The following ZNF385B variants were observed in gnomAD, a reference collection of about 807,000 sequenced individuals.
ZNF385B encodes zinc finger protein 533.
A neutral mutation model predicts 39.2 loss-of-function variants in ZNF385B; 23 were observed. The observed-to-expected ratio is 0.59, with a 90% CI of 0.42 to 0.83. The LOEUF (loss-of-function observed/expected upper bound fraction) is 0.83. Ranked by LOEUF, ZNF385B falls within the 40% of genes least tolerant of loss-of-function variation. ZNF385B has a pLI of 0.00. For synonymous variants in ZNF385B, 205 were observed against 222.6 expected (o/e 0.92, Z 0.70); for missense variants, 552 against 598.9 (o/e 0.92, Z 0.82).
rs1559338211 is a variant in ZNF385B, at chr2:179,493,775, G to GTATACATATGTA, written c.553-10342_553-10341insTACATATGTATA. Among the ~76,000 whole-genome samples the GTATACATATGTA allele has an allele frequency of 6.4e-4, 50 of 77,784 alleles. 1 individual carries two copies. Among genetic ancestry groups the GTATACATATGTA allele is most frequent in the South Asian group, 1.2e-3 (3 of 2,448 alleles). The allele number at this position is 77,784 out of a possible 152,430, so 51.0% of individuals were successfully genotyped here. On this transcript the variant is annotated intron_variant, in intron 5 of 9. Transcript: ENST00000410066. Reference sequence around the variant, plus strand: ...TATATACATATATGTATACATATATGTATATACACATATGTATACATATAT... The same window carrying GTATACATATGTA: ...TATATACATATATGTATACATATATGTATACATATGTATATATACACATATGTATACATATAT...
At chr2:179,808,171 T>C (rs924101654) in intron 1 of ZNF385B, among the ~76,000 whole-genome samples, 2 of 151,854 alleles carry the variant, frequency 1.3e-5, no homozygotes, top group Non-Finnish European at 2.9e-5. Context: ...CAGCTGGGAC[T>C]ACAGGCGCAC....
chr2:179,450,633 C>T (rs1298160025), intron 6 of ZNF385B, among the ~76,000 whole-genome samples: 1 of 151,876 alleles, frequency 6.6e-6, no homozygotes, highest in Non-Finnish European at 1.5e-5. Flanking sequence ...GAAATAGGAA[C>T]ACTTTTACAC....
At chr2:179,810,579 T>C (rs115738557) in intron 1 of ZNF385B, among the ~76,000 whole-genome samples, 1,919 of 152,136 alleles carry the variant, frequency 0.013, 38 homozygotes, top group African/African-American at 0.043. Flanking sequence ...TAAATAAATA[T>C]GGATCCACAT....
At chr2:179,806,537 G>A (rs572950279) in intron 1 of ZNF385B, among the ~76,000 whole-genome samples, 3 of 152,182 alleles carry the variant, frequency 2.0e-5, no homozygotes, top group South Asian at 2.1e-4. Context: ...TTTCAATAAC[G>A]TAACCTGATA....
chr2:179,547,993 T>C (rs1322920601), intron 3 of ZNF385B, among the ~76,000 whole-genome samples: 4 of 149,690 alleles, frequency 2.7e-5, no homozygotes, highest in Non-Finnish European at 4.4e-5. Flanking sequence ...CTATTATAAA[T>C]AGGATTACCT....
chr2:179,639,250 G>GGC (rs1227011635), intron 3 of ZNF385B, among the ~76,000 whole-genome samples: 1 of 90,318 alleles, frequency 1.1e-5, no homozygotes, highest in Admixed American at 1.3e-4. Flanking sequence ...AAAAAAAAAA[G>GGC]GGGGAGAAAG....
intron 3 of ZNF385B, among the ~76,000 whole-genome samples, chr2:179,552,490 T>G (rs1559463310): frequency 6.7e-6 from 1 of 149,434 alleles, no homozygotes; most frequent in African/African-American, 2.5e-5. Context: ...CAACATCAAT[T>G]ATAGAACTCC....
At chr2:179,471,281 T>C (rs1175640293) in intron 6 of ZNF385B, among the ~76,000 whole-genome samples, 1 of 152,118 alleles carries the variant, frequency 6.6e-6, no homozygotes, top group Non-Finnish European at 1.5e-5. Context: ...CCATGATACA[T>C]ACCTCATCAA....
rs1346222753 is a variant in ZNF385B, at chr2:179,836,511, TTC to T, written c.-155+24588_-155+24589del. Among the ~76,000 whole-genome samples the T allele has an allele frequency of 3.1e-5, 4 of 127,158 alleles. No individual in the cohort carries two copies. In the Admixed American group the frequency reaches 3.4e-4, roughly 11 times the overall value. 83.4% of individuals were successfully genotyped at this position (127,158 alleles called of 152,430 possible). A position where few individuals can be genotyped will look rare whatever the true frequency, so the allele number is the denominator to read the frequency against. Reference sequence around the variant, plus strand: ...ATATCTGAATCAAGGTTCTTGCGTTTTCTTTTTTTTTTTTTTTTGAGACGGAG... The same window carrying T: ...ATATCTGAATCAAGGTTCTTGCGTTTTTTTTTTTTTTTTTTTGAGACGGAG... On this transcript the variant is annotated intron_variant, in intron 1 of 9. Transcript: ENST00000410066.
At chr2:179,536,874 A>G (rs751795879) in intron 4 of ZNF385B, among the ~76,000 whole-genome samples, 19 of 152,356 alleles carry the variant, frequency 1.2e-4, no homozygotes, top group Middle Eastern at 6.8e-3. Flanking sequence ...CCATATAAAT[A>G]ACATCTGCAT....
At chr2:179,831,330 C>T (rs1240014911) in intron 1 of ZNF385B, among the ~76,000 whole-genome samples, 1 of 152,094 alleles carries the variant, frequency 6.6e-6, no homozygotes, top group Admixed American at 6.5e-5. Flanking sequence ...CAGGAGCTTT[C>T]TCCAATTCAC....
intron 6 of ZNF385B, among the ~76,000 whole-genome samples, chr2:179,451,198 T>A (rs113587709): frequency 2.3e-4 from 35 of 149,310 alleles, no homozygotes; most frequent in Non-Finnish European, 3.4e-4. Context: ...CATGTATACA[T>A]ATGTAACTAA....
At chr2:179,510,876 T>C (rs2057630256) in intron 5 of ZNF385B, among the ~76,000 whole-genome samples, 1 of 152,098 alleles carries the variant, frequency 6.6e-6, no homozygotes, top group Non-Finnish European at 1.5e-5. Flanking sequence ...AACATGCAGA[T>C]AGAATTTCTA....
At chr2:179,645,516 C>T (rs1692640414) in intron 3 of ZNF385B, among the ~76,000 whole-genome samples, 1 of 152,194 alleles carries the variant, frequency 6.6e-6, no homozygotes, top group South Asian at 2.1e-4. Context: ...TGCACTATTA[C>T]ATAATGTAAT....
chr2:179,803,368 T>G (rs528571548), intron 1 of ZNF385B, among the ~76,000 whole-genome samples: 1 of 152,108 alleles, frequency 6.6e-6, no homozygotes, highest in African/African-American at 2.4e-5. Flanking sequence ...GTGCCACCCA[T>G]GGGAAGCAAT....
intron 3 of ZNF385B, among the ~76,000 whole-genome samples, chr2:179,760,223 C>CACGTGTGTGTGT (rs1553525686): frequency 1.4e-5 from 2 of 144,476 alleles, no homozygotes; most frequent in Admixed American, 6.9e-5. Context: ...TTCCTGTGTG[C>CACGTGTGTGTGT]GTGTGTGTGT....
chr2:179,443,352 AGAGGGCCGGGGTGGGAGT>A lies in ZNF385B; in HGVS notation c.1341_1358del (p.Leu448_Ser453del). ...TGGCTGGAGCCTGGAAGAGCGAGGC[AGAGGGCCGGGGTGGGAGT>A]GACAGCGCTGAGGACACGGCTGCCG... On this transcript the variant is annotated inframe_deletion, in exon 10 of 10. Coordinates refer to ENST00000410066, the MANE Select transcript of ZNF385B (RefSeq NM_152520.6). 6.2e-7 allele frequency: 1 copy of A among 1,612,706 alleles called. No homozygotes were observed. Among genetic ancestry groups the A allele is most frequent in the Non-Finnish European group, 8.5e-7 (1 of 1,179,592 alleles).
chr2:179,488,215 C>G (rs1239908433), intron 5 of ZNF385B, among the ~76,000 whole-genome samples: 1 of 151,992 alleles, frequency 6.6e-6, no homozygotes. Flanking sequence ...GCAATCTCAG[C>G]CTTACTGCAA....
intron 3 of ZNF385B, among the ~76,000 whole-genome samples, chr2:179,695,562 G>A (rs1338713947): frequency 6.6e-6 from 1 of 152,068 alleles, no homozygotes; most frequent in East Asian, 1.9e-4. Context: ...TTTCCCCAAG[G>A]AAGATATATA....
Sources: allele counts gnomAD v4.1 joint callset (sites outside exome capture counted in the v4.1 genomes callset), GRCh38; gene constraint gnomAD v4.1.1; transcripts MANE v1.5; gene names NCBI Gene and HGNC (gene_info 2026-07-23, HGNC 2026-07-21).